Variants in AXDND1 observed in about 807,000 individuals in gnomAD.
AXDND1 encodes the protein axonemal dynein light chain domain-containing protein 1.
Under a neutral mutation model 137.5 loss-of-function variants are expected in AXDND1, and 110 were observed. That is an observed-to-expected ratio of 0.80 (90% CI 0.69 to 0.94). The LOEUF (loss-of-function observed/expected upper bound fraction) is 0.94. Ranked by LOEUF, AXDND1 falls within the 40% of genes least tolerant of loss-of-function variation. The pLI is 0.00. For synonymous variants in AXDND1, 414 were observed against 399.7 expected (o/e 1.04, Z -0.43); for missense variants, 1,191 against 1,169.8 (o/e 1.02, Z -0.26).
chr1:179,553,851 T>C (rs1673671626), intron 25 of AXDND1, among the ~76,000 whole-genome samples: 1 of 152,012 alleles, frequency 6.6e-6, no homozygotes, highest in Admixed American at 6.6e-5. Flanking sequence ...GTTCAAGTGA[T>C]TCTCCTGCCT....
chr1:179,529,179 T>C (rs1274064481), intron 23 of AXDND1, among the ~76,000 whole-genome samples: 1 of 152,224 alleles, frequency 6.6e-6, no homozygotes, highest in South Asian at 2.1e-4. Context: ...TACAGAACAC[T>C]GTGACTTTAA....
At chr1:179,552,479 GT>G in intron 25 of AXDND1, 2 of 760,492 alleles carry the variant, frequency 2.6e-6, no homozygotes, top group Middle Eastern at 3.5e-4. Flanking sequence ...TAATAGAGTT[GT>G]AAGGGCCCAA....
chr1:179,488,703 T>TTTC (rs1666475382), intron 18 of AXDND1, among the ~76,000 whole-genome samples: 1 of 119,568 alleles, frequency 8.4e-6, no homozygotes, highest in Non-Finnish European at 1.7e-5. Context: ...TTCTTTCCTC[T>TTTC]CTCTGTCTCT....
intron 25 of AXDND1, chr1:179,543,876 A>C (rs1317685690): frequency 6.6e-6 from 1 of 152,614 alleles, no homozygotes; most frequent in Non-Finnish European, 1.5e-5. Flanking sequence ...TAAAATTAAA[A>C]ACCCTTAGTA....
intron 17 of AXDND1, 52 bp from the exon 18 acceptor site, chr1:179,483,075 AT>A (rs901414385): frequency 1.5e-5 from 18 of 1,240,236 alleles, no homozygotes; most frequent in Non-Finnish European, 1.9e-5. Flanking sequence ...TGATAGTTAC[AT>A]TTATCCTTTA....
At chr1:179,506,502 C>G (rs868568622) in intron 20 of AXDND1, among the ~76,000 whole-genome samples, 11 of 152,164 alleles carry the variant, frequency 7.2e-5, no homozygotes, top group African/African-American at 1.9e-4. Context: ...GAGGCTGAGG[C>G]AAGTGGATCA....
intron 16 of AXDND1, among the ~76,000 whole-genome samples, chr1:179,447,294 A>G (rs996714414): frequency 2.6e-5 from 4 of 152,226 alleles, no homozygotes; most frequent in African/African-American, 7.2e-5. Flanking sequence ...GGTTCCACAC[A>G]TGAGTGAGAA....
At chr1:179,418,640 C>T (rs868065844) in intron 12 of AXDND1, among the ~76,000 whole-genome samples, 40 of 149,228 alleles carry the variant, frequency 2.7e-4, no homozygotes, top group East Asian at 6.1e-4. Flanking sequence ...ACCTCCCTCC[C>T]GGACGGGGCG....
intron 15 of AXDND1, among the ~76,000 whole-genome samples, chr1:179,437,307 A>G (rs887186941): frequency 1.1e-4 from 16 of 152,124 alleles, no homozygotes; most frequent in Non-Finnish European, 2.2e-4. Context: ...GGGGCGGGTG[A>G]TTGTCGGGTA....
chr1:179,514,665 T>C (rs572791936), intron 21 of AXDND1, among the ~76,000 whole-genome samples: 2 of 152,302 alleles, frequency 1.3e-5, no homozygotes, highest in South Asian at 2.1e-4. Context: ...CAGTGGAGTA[T>C]TGAAGTCCCC....
chr1:179,412,851 C>T (rs1336298408), intron 12 of AXDND1, among the ~76,000 whole-genome samples: 1 of 152,116 alleles, frequency 6.6e-6, no homozygotes, highest in Admixed American at 6.6e-5. Context: ...AGTGAGTATT[C>T]CTGTTCTCAG....
chr1:179,390,288 A>G (rs1649945395), intron 9 of AXDND1, among the ~76,000 whole-genome samples: 1 of 152,182 alleles, frequency 6.6e-6, no homozygotes, highest in Non-Finnish European at 1.5e-5. Flanking sequence ...TGCTGAGGTT[A>G]CAGGTGTGAG....
intron 15 of AXDND1, among the ~76,000 whole-genome samples, chr1:179,435,969 A>G (rs1462759512): frequency 6.6e-6 from 1 of 152,162 alleles, no homozygotes; most frequent in African/African-American, 2.4e-5. Flanking sequence ...CAGAATCTAT[A>G]AGGAACTTAA....
chr1:179,379,682 G>C (rs1647897473), intron 6 of AXDND1, among the ~76,000 whole-genome samples, 200 bp downstream of exon 6: 1 of 151,368 alleles, frequency 6.6e-6, no homozygotes, highest in Non-Finnish European at 1.5e-5. Flanking sequence ...TGTAATCCCA[G>C]CTACTGGGGA....
chr1:179,491,576 A>G lies in AXDND1; in HGVS notation c.2130A>G (p.Val710=). The change falls in exon 19 of 26, where the codon GTA becomes GTG. Residue 710 remains valine (V), a synonymous_variant. Transcript: ENST00000367618. ...ELHISMIQWM[V]NLLILMIPNF... is the part of the protein sequence containing the mutation. ...ATATATCTATGATCCAGTGGATGGT[A>G]AACTTGCTGATTTTAATGATACCCA... The G allele has an allele frequency of 6.2e-7, 1 of 1,612,388 alleles. No homozygotes were observed. Among genetic ancestry groups the G allele is most frequent in the Non-Finnish European group, 8.5e-7 (1 of 1,178,500 alleles).
At chr1:179,476,085 G>A (rs1664591144) in intron 17 of AXDND1, among the ~76,000 whole-genome samples, 1 of 152,104 alleles carries the variant, frequency 6.6e-6, no homozygotes, top group Admixed American at 6.5e-5. Context: ...AGCTGCTTGA[G>A]GCTTCCCCAG....
intron 25 of AXDND1, chr1:179,543,917 G>A (rs569347142): frequency 6.5e-6 from 1 of 152,682 alleles, no homozygotes; most frequent in South Asian, 2.1e-4. Context: ...CAATATTCTA[G>A]CTGTTTTTGT....
At position 179,554,573 on chromosome 1, in the gene AXDND1, T is replaced by C. The variant is rs1479386335; in HGVS notation, c.*54T>C. 1 of 1,613,812 alleles carries C rather than the reference T, an allele frequency of 6.2e-7. No individual in the cohort carries two copies. Among genetic ancestry groups the C allele is most frequent in the East Asian group, 2.2e-5 (1 of 44,888 alleles). On this transcript the variant is annotated 3_prime_UTR_variant, in exon 26 of 26. Coordinates refer to ENST00000367618, the MANE Select transcript of AXDND1 (RefSeq NM_144696.6). Reference sequence around the variant, plus strand: ...TCAGATGTCAGTGGGAGCCTCCAGGTGGGAGGAGAGCATGCCTAAACCCTG... The same window carrying C: ...TCAGATGTCAGTGGGAGCCTCCAGGCGGGAGGAGAGCATGCCTAAACCCTG...
rs141695875 is a variant in AXDND1 at position 179,480,112 on chromosome 1, G to T, written c.1998-3016G>T. 4.0e-4 allele frequency among the ~76,000 whole-genome samples: 61 copies of T among 152,270 alleles called. No individual in the cohort carries two copies. In the Middle Eastern group the frequency reaches 0.017, roughly 42 times the overall value. On this transcript the variant is annotated intron_variant, in intron 17 of 25. Transcript: ENST00000367618. Reference sequence around the variant, plus strand: ...CCTCTGCCTGTTACCCAGTTCCAAGGTCGCTCCCACATTTTTGGGTATATT... The same window carrying T: ...CCTCTGCCTGTTACCCAGTTCCAAGTTCGCTCCCACATTTTTGGGTATATT...
Sources: gnomAD v4.1 joint callset for allele counts (sites outside exome capture counted in the v4.1 genomes callset) on GRCh38, gnomAD v4.1.1 for gene constraint, MANE v1.5 for transcripts, NCBI Gene and HGNC (gene_info 2026-07-23, HGNC 2026-07-21) for gene names.